The following TP63 variants were observed in gnomAD, a reference collection of about 807,000 sequenced individuals.
TP63 encodes tumor protein p63.
A neutral mutation model predicts 82.8 loss-of-function variants in TP63; 17 were observed. The observed-to-expected ratio is 0.21, with a 90% CI of 0.14 to 0.31. The LOEUF (loss-of-function observed/expected upper bound fraction) is 0.31, where lower values mean the gene tolerates loss of function less well. Among genes scored for constraint, TP63 ranks in the 10% least tolerant of loss-of-function variants. The probability of loss-of-function intolerance (pLI) is 1.00; values close to 1 mark genes in which losing one functional copy is unlikely to be tolerated. For missense variants in TP63, 648 were observed against 895.3 expected, an observed-to-expected ratio of 0.72 and a Z score of 3.52; for synonymous variants, 330 against 321.7, an observed-to-expected ratio of 1.03 and a Z score of -0.28.
chr3:189,647,815 A>T (rs4600801), intron 1 of TP63, among the ~76,000 whole-genome samples: 64,464 of 145,778 alleles, frequency 0.44, 17,881 homozygotes, highest in East Asian at 0.55. Context: ...AAATTTAGTA[A>T]TAAAAATCAT....
the TP63 span, among the ~76,000 whole-genome samples, chr3:189,626,270 G>A: frequency 6.6e-6 from 1 of 152,150 alleles, no homozygotes; most frequent in Admixed American, 6.5e-5. Context: ...AGATTGTGTG[G>A]TTGAGCTGCA....
chr3:189,727,872 G>A (rs1719881938), intron 1 of TP63, among the ~76,000 whole-genome samples: 1 of 152,146 alleles, frequency 6.6e-6, no homozygotes, highest in African/African-American at 2.4e-5. Context: ...GTGTTTGCAT[G>A]CTATAATGCT....
At chr3:189,889,619 C>A (rs1294358882) in intron 12 of TP63, 135 bp downstream of exon 12, 20 of 1,220,784 alleles carry the variant, frequency 1.6e-5, no homozygotes, top group Non-Finnish European at 2.1e-5. Flanking sequence ...TCACTATTAT[C>A]TCTGATCTGT....
intron 3 of TP63, chr3:189,789,628 G>A (rs1724916243): frequency 7.3e-7 from 1 of 1,364,098 alleles, no homozygotes; most frequent in African/African-American, 1.5e-5. Flanking sequence ...GCCTATAGTT[G>A]GGTATATATT....
chr3:189,876,508 G>T (rs1381308649), intron 10 of TP63, among the ~76,000 whole-genome samples: 1 of 152,198 alleles, frequency 6.6e-6, no homozygotes, highest in African/African-American at 2.4e-5. Flanking sequence ...TAAAGAACTA[G>T]TAGCTTCATA....
chr3:189,745,161 G>A (rs966625008), intron 3 of TP63, among the ~76,000 whole-genome samples: 1 of 152,140 alleles, frequency 6.6e-6, no homozygotes, highest in Non-Finnish European at 1.5e-5. Flanking sequence ...TGTAAGAAAT[G>A]ACTATTCTAC....
intron 1 of TP63, among the ~76,000 whole-genome samples, chr3:189,686,423 G>C (rs1191598911): frequency 6.6e-6 from 1 of 152,052 alleles, no homozygotes; most frequent in Non-Finnish European, 1.5e-5. Flanking sequence ...AAGAAACTAA[G>C]ATGTGGCATC....
intron 3 of TP63, among the ~76,000 whole-genome samples, chr3:189,793,846 A>T (rs1725417663): frequency 6.6e-6 from 1 of 152,120 alleles, no homozygotes; most frequent in Non-Finnish European, 1.5e-5. Context: ...AATTTTCTTT[A>T]GATGTATGTT....
chr3:189,681,622 CTCT>C (rs1237632446), intron 1 of TP63, among the ~76,000 whole-genome samples: 1 of 152,170 alleles, frequency 6.6e-6, no homozygotes, highest in Admixed American at 6.6e-5. Flanking sequence ...CTGTTAATAA[CTCT>C]TCTTCTTGCC....
At position 189,823,839 on chromosome 3, in the gene TP63, A is replaced by G. The variant is rs182728084; in HGVS notation, c.579+15313A>G. ...GGAAGTCTATCATGCAAACCGCATGATAGACTTCGGATAGAGGCAGCAGGT... is the reference window on the plus strand; with the variant it reads ...GGAAGTCTATCATGCAAACCGCATGGTAGACTTCGGATAGAGGCAGCAGGT... On this transcript the variant is annotated intron_variant, in intron 4 of 13. Transcript: ENST00000264731. Among the ~76,000 whole-genome samples, 611 of 152,294 alleles carry G rather than the reference A, an allele frequency of 4.0e-3. 3 individuals carry two copies. The highest frequency in any genetic ancestry group is 0.014 in the African/African-American group (583 of 41,560).
intron 3 of TP63, among the ~76,000 whole-genome samples, chr3:189,766,007 A>T (rs892385956): frequency 6.6e-6 from 1 of 152,098 alleles, no homozygotes; most frequent in African/African-American, 2.4e-5. Flanking sequence ...CCATGTGGCT[A>T]TGGTGGGCAC....
chr3:189,691,936 T>G (rs975276090), intron 1 of TP63, among the ~76,000 whole-genome samples: 1 of 152,234 alleles, frequency 6.6e-6, no homozygotes, highest in African/African-American at 2.4e-5. Flanking sequence ...GCAAGTGTGC[T>G]TTTCAAGATC....
intron 10 of TP63, among the ~76,000 whole-genome samples, chr3:189,875,971 C>T (rs1160475276): frequency 2.0e-4 from 31 of 152,010 alleles, no homozygotes; most frequent in Admixed American, 2.0e-3. Flanking sequence ...ATTCACGTCA[C>T]ATATTCTTAT....
At chr3:189,730,319 A>G (rs562466209) in intron 1 of TP63, among the ~76,000 whole-genome samples, 27 of 152,328 alleles carry the variant, frequency 1.8e-4, no homozygotes, top group African/African-American at 6.3e-4. Flanking sequence ...TGTAAATATC[A>G]TTCACCTATC....
intron 5 of TP63, 23 bp from the exon 6 acceptor site, chr3:189,866,659 T>G: frequency 6.2e-7 from 1 of 1,604,870 alleles, no homozygotes; most frequent in Non-Finnish European, 8.5e-7. Flanking sequence ...GAACTAACTC[T>G]TTTATTGTTT....
the TP63 span, among the ~76,000 whole-genome samples, chr3:189,621,977 C>T: frequency 0.04 from 6,094 of 152,300 alleles, 153 homozygotes; most frequent in Middle Eastern, 0.061. Flanking sequence ...AAACTTGACA[C>T]AGAGATGTTG....
rs117193222 is a variant in TP63, at chr3:189,686,226, T to C, written c.63-51514T>C. Among the ~76,000 whole-genome samples the C allele has an allele frequency of 1.3e-3, 182 of 137,528 alleles. 2 individuals are homozygous for C. In the East Asian group the frequency reaches 0.034, roughly 25 times the overall value. The allele number at this position is 137,528 out of a possible 152,430, so 90.2% of individuals were successfully genotyped here. A position where few individuals can be genotyped will look rare whatever the true frequency, so the allele number is the denominator to read the frequency against. On this transcript the variant is annotated intron_variant, in intron 1 of 13. Coordinates refer to ENST00000264731, the MANE Select transcript of TP63 (RefSeq NM_003722.5). ...TCCTGATCACTAATTTTTGAGTTTG[T>C]CCCTTGAACTTTTACCTGTTTTCTT...
chr3:189,803,850 G>T (rs1420202441), intron 3 of TP63, among the ~76,000 whole-genome samples: 3 of 152,214 alleles, frequency 2.0e-5, no homozygotes, highest in Non-Finnish European at 4.4e-5. Context: ...TATCACAGAA[G>T]TTGTGTTCAT....
chr3:189,838,971 T>A (rs1390399531), intron 4 of TP63, among the ~76,000 whole-genome samples: 1 of 142,968 alleles, frequency 7.0e-6, no homozygotes. Context: ...GACCTTAAAG[T>A]CCCTTAAACT....
Sources: allele counts gnomAD v4.1 joint callset (sites outside exome capture counted in the v4.1 genomes callset), GRCh38; gene constraint gnomAD v4.1.1; transcripts MANE v1.5; gene names NCBI Gene and HGNC (gene_info 2026-07-23, HGNC 2026-07-21).